The following NRG1 variants were observed in gnomAD, a reference collection of about 807,000 sequenced individuals.
The protein encoded by NRG1 is pro-neuregulin-1, membrane-bound isoform.
Under a neutral mutation model 63.8 loss-of-function variants are expected in NRG1, and 18 were observed. The observed-to-expected ratio is 0.28, with a 90% CI of 0.19 to 0.42. NRG1 has a LOEUF of 0.42. Among genes scored for constraint, NRG1 ranks in the 10% least tolerant of loss-of-function variants. NRG1 has a pLI of 1.00. For synonymous variants in NRG1, 302 were observed against 301.3 expected (o/e 1.00, Z -0.02); for missense variants, 762 against 814.7 (o/e 0.94, Z 0.79).
intron 1 of NRG1, among the ~76,000 whole-genome samples, chr8:32,171,706 G>T (rs534265691): frequency 3.9e-5 from 6 of 152,168 alleles, no homozygotes; most frequent in East Asian, 1.9e-4. Context: ...TATATCCCAC[G>T]CATGGCTTGG....
chr8:32,025,765 G>A (rs145521955), intron 1 of NRG1, among the ~76,000 whole-genome samples: 1,562 of 151,958 alleles, frequency 0.01, 29 homozygotes, highest in African/African-American at 0.036. Flanking sequence ...GGCTAACAAG[G>A]TGAAATCCCG....
Position 31,640,631 on chromosome 8 carries a change from C to G in NRG1, c.37+1200C>G. Reference sequence around the variant, plus strand: ...TTCATGGAGCCCGACGCCAACAGCACCAGCCGCGCGCCGGCCGCCTTCCGA... The same window carrying G: ...TTCATGGAGCCCGACGCCAACAGCAGCAGCCGCGCGCCGGCCGCCTTCCGA... On this transcript the variant is annotated intron_variant, in intron 1 of 10. Transcript: ENST00000519301. This position sits in a 1 kb window ranked among gnomAD's most constrained non-coding sequence, Gnocchi z 6.3. The G allele has an allele frequency of 6.2e-7, 1 of 1,610,332 alleles. No individual in the cohort carries two copies. Among genetic ancestry groups the G allele is most frequent in the Non-Finnish European group, 8.5e-7 (1 of 1,179,046 alleles).
At chr8:32,593,188 G>A (rs1842808822) in intron 1 of NRG1, among the ~76,000 whole-genome samples, 1 of 152,088 alleles carries the variant, frequency 6.6e-6, no homozygotes, top group African/African-American at 2.4e-5. Context: ...TTGCTTAGAG[G>A]CAAGGGAATA....
chr8:32,033,920 C>T (rs1818650668), intron 1 of NRG1, among the ~76,000 whole-genome samples: 1 of 152,140 alleles, frequency 6.6e-6, no homozygotes, highest in Admixed American at 6.5e-5. Context: ...TTCCTTTCTT[C>T]CTATTTGAAT....
intron 1 of NRG1, among the ~76,000 whole-genome samples, chr8:31,881,668 C>T (rs1830356310): frequency 6.6e-6 from 1 of 152,132 alleles, no homozygotes; most frequent in African/African-American, 2.4e-5. Flanking sequence ...AGGAAAAGTC[C>T]TTGAAGAAAA....
At chr8:32,634,099 T>TAAAAAAAGAAAAAAAAAAAAAAAA (rs1850846745) in intron 5 of NRG1, among the ~76,000 whole-genome samples, 1 of 86,796 alleles carries the variant, frequency 1.2e-5, no homozygotes, top group African/African-American at 6.7e-5. Flanking sequence ...GATCTTGTCT[T>TAAAAAAAGAAAAAAAAAAAAAAAA]AAAAAAAAAA....
chr8:31,907,070 G>A (rs776400), intron 1 of NRG1, among the ~76,000 whole-genome samples: 29,439 of 152,036 alleles, frequency 0.19, 3,991 homozygotes, highest in African/African-American at 0.38. Context: ...AAGTATTTGC[G>A]GTGTTTTGGG....
chr8:31,818,952 G>A (rs1823728441), intron 1 of NRG1, among the ~76,000 whole-genome samples: 1 of 152,180 alleles, frequency 6.6e-6, no homozygotes, highest in African/African-American at 2.4e-5. Flanking sequence ...TACTCGGGAG[G>A]CTGAGGCGAG....
intron 1 of NRG1, among the ~76,000 whole-genome samples, chr8:32,248,340 A>G (rs898670599): frequency 3.3e-5 from 5 of 152,122 alleles, no homozygotes; most frequent in African/African-American, 1.2e-4. Flanking sequence ...TCATGAATAC[A>G]CATCTCACAA....
chr8:32,690,002 C>A (rs1811155545), intron 5 of NRG1, among the ~76,000 whole-genome samples: 1 of 152,136 alleles, frequency 6.6e-6, no homozygotes, highest in Non-Finnish European at 1.5e-5. Context: ...CAATCTAGGA[C>A]TTCAGGTCTA....
At chr8:31,667,722 G>T (rs1215946859) in intron 1 of NRG1, among the ~76,000 whole-genome samples, 1 of 152,158 alleles carries the variant, frequency 6.6e-6, no homozygotes, top group Non-Finnish European at 1.5e-5. Flanking sequence ...CATTGAGAAT[G>T]TTACTTGGTA....
intron 5 of NRG1, among the ~76,000 whole-genome samples, chr8:32,693,274 A>C (rs1812308566): frequency 6.8e-6 from 1 of 147,096 alleles, no homozygotes; most frequent in Non-Finnish European, 1.5e-5. Flanking sequence ...GCTGGAGTGC[A>C]GTGGCACAAT....
intron 1 of NRG1, among the ~76,000 whole-genome samples, chr8:32,394,868 C>T (rs757717192): frequency 6.6e-6 from 1 of 152,080 alleles, no homozygotes; most frequent in Non-Finnish European, 1.5e-5. Context: ...CTTTTTCAGC[C>T]TTGCTGTGCT....
At chr8:32,352,181 C>G (rs1805690055) in intron 1 of NRG1, among the ~76,000 whole-genome samples, 1 of 147,810 alleles carries the variant, frequency 6.8e-6, no homozygotes, top group African/African-American at 2.5e-5. Flanking sequence ...TTGGTGTATG[C>G]AGTGTGTGTC....
chr8:31,989,253 CAA>C (rs10692906), intron 1 of NRG1, among the ~76,000 whole-genome samples: 11 of 47,522 alleles, frequency 2.3e-4, no homozygotes, highest in South Asian at 1.4e-3. Context: ...GACTCTGTCT[CAA>C]AAAAAAAAAA....
intron 1 of NRG1, among the ~76,000 whole-genome samples, chr8:32,575,614 A>G (rs1839484528): frequency 6.6e-6 from 1 of 152,196 alleles, no homozygotes; most frequent in Non-Finnish European, 1.5e-5. Context: ...TGGAGATAAT[A>G]ATATCCCTGT....
chr8:32,113,108 A>G (rs905720939), intron 1 of NRG1, among the ~76,000 whole-genome samples: 1 of 152,088 alleles, frequency 6.6e-6, no homozygotes, highest in Non-Finnish European at 1.5e-5. Flanking sequence ...CACGAAGTTG[A>G]CCTCACTGTG....
intron 1 of NRG1, among the ~76,000 whole-genome samples, chr8:32,188,385 C>T (rs960027708): frequency 1.3e-5 from 2 of 152,180 alleles, no homozygotes; most frequent in Non-Finnish European, 2.9e-5. Context: ...GATTTTGACA[C>T]TCAGATTACT....
intron 1 of NRG1, among the ~76,000 whole-genome samples, chr8:32,461,239 A>G (rs1253663099): frequency 6.6e-6 from 1 of 152,196 alleles, no homozygotes; most frequent in African/African-American, 2.4e-5. Context: ...AGAAATTTCT[A>G]TATTATGAAA....
Sources: allele counts gnomAD v4.1 joint callset (sites outside exome capture counted in the v4.1 genomes callset), GRCh38; gene constraint gnomAD v4.1.1; non-coding constraint Gnocchi (gnomAD v3.1); transcripts MANE v1.5; gene names NCBI Gene and HGNC (gene_info 2026-07-23, HGNC 2026-07-21).